Variants in HNF4A observed in about 807,000 individuals in gnomAD.
The protein encoded by HNF4A is hepatocyte nuclear factor 4-alpha.
In HNF4A, 15 loss-of-function variants were observed where a neutral mutation model predicts 52.4. The observed-to-expected ratio is 0.29, with a 90% CI of 0.19 to 0.44. The LOEUF (loss-of-function observed/expected upper bound fraction) is 0.44. Among genes scored for constraint, HNF4A ranks in the 20% least tolerant of loss-of-function variants. HNF4A has a pLI of 1.00. For synonymous variants in HNF4A, 280 were observed against 264.4 expected (o/e 1.06, Z -0.57); for missense variants, 479 against 647.2 (o/e 0.74, Z 2.82).
chr20:44,365,195 A>T (rs1341049598), intron 1 of HNF4A, among the ~76,000 whole-genome samples: 1 of 151,978 alleles, frequency 6.6e-6, no homozygotes, highest in African/African-American at 2.4e-5. Context: ...TTTTTGAAAC[A>T]GGGTCTTGCT....
At chr20:44,391,997 A>G (rs1034812370) in intron 1 of HNF4A, 2 of 152,224 alleles carry the variant, frequency 1.3e-5, no homozygotes, top group African/African-American at 4.8e-5. Flanking sequence ...AAATAATAAT[A>G]ATAACACATA....
chr20:44,429,976 A>G lies in HNF4A; in HGVS notation c.*311A>G, dbSNP rs1379569289. 2 of 386,774 alleles carry G rather than the reference A, an allele frequency of 5.2e-6. No homozygotes were observed. Among genetic ancestry groups the G allele is most frequent in the Non-Finnish European group, 9.4e-6 (2 of 211,738 alleles). 24.0% of individuals were successfully genotyped at this position (386,774 alleles called of 1,614,324 possible). On this transcript the variant is annotated 3_prime_UTR_variant, in exon 10 of 10. Coordinates refer to ENST00000316099, the MANE Select transcript of HNF4A (RefSeq NM_000457.6). ...AACCCCCGACTTCATCCCAAAGGAC[A>G]GCCGCCTGGAGATGACTTGAGGCCT...
chr20:44,388,402 G>C (rs1465482437), intron 1 of HNF4A, among the ~76,000 whole-genome samples: 3 of 97,358 alleles, frequency 3.1e-5, no homozygotes, highest in African/African-American at 6.1e-5. Context: ...TTGGAACAAG[G>C]TGCTGGGAAC....
downstream of HNF4A, chr20:44,433,136 T>C (rs959271914): frequency 3.3e-5 from 5 of 152,132 alleles, no homozygotes; most frequent in Admixed American, 2.6e-4. Context: ...TGATTCCAAG[T>C]ACTTAGTATA....
chr20:44,404,239 C>T (rs1323436202), intron 1 of HNF4A, among the ~76,000 whole-genome samples: 5 of 152,154 alleles, frequency 3.3e-5, no homozygotes, highest in African/African-American at 9.7e-5. Context: ...ATCCCCATAA[C>T]GAACCTAGGG....
chr20:44,397,993 C>G (rs140550945), upstream of HNF4A, among the ~76,000 whole-genome samples: 223 of 152,266 alleles, frequency 1.5e-3, no homozygotes, highest in African/African-American at 4.9e-3. Context: ...TTCCACCTCC[C>G]GTTCTTTCTC....
chr20:44,360,456 GAT>G (rs2062904897), intron 1 of HNF4A, among the ~76,000 whole-genome samples: 1 of 152,128 alleles, frequency 6.6e-6, no homozygotes, highest in African/African-American at 2.4e-5. Flanking sequence ...TGGATGGAAA[GAT>G]ATGTAGGTGC....
chr20:44,402,628 C>T lies in HNF4A; in HGVS notation c.115+1141C>T, dbSNP rs368909707. The T allele has an allele frequency of 1.5e-5, 21 of 1,363,044 alleles. No homozygotes were observed. The African/African-American group carries it at 2.4e-4, about 15-fold the overall frequency. The allele number at this position is 1,363,044 out of a possible 1,614,324, so 84.4% of individuals were successfully genotyped here. A position where few individuals can be genotyped will look rare whatever the true frequency, so the allele number is the denominator to read the frequency against. On this transcript the variant is annotated intron_variant, in intron 1 of 9. Coordinates refer to ENST00000316099, the MANE Select transcript of HNF4A (RefSeq NM_000457.6). ...ACTGGAGCATATCTGGAGGGGTGGA[C>T]AGTTCTCCACAGGGAGGTAGGGGAA...
intron 7 of HNF4A, among the ~76,000 whole-genome samples, chr20:44,421,722 C>A (rs1024427979): frequency 2.0e-5 from 3 of 150,328 alleles, no homozygotes; most frequent in African/African-American, 7.3e-5. Flanking sequence ...CCATTGCACT[C>A]CAGCCTGGGC....
chr20:44,399,120 C>T (rs1182017999), upstream of HNF4A, among the ~76,000 whole-genome samples: 1 of 152,066 alleles, frequency 6.6e-6, no homozygotes, highest in Non-Finnish European at 1.5e-5. Context: ...GCACTGCCCC[C>T]AAGGCCGGTG....
At chr20:44,425,359 A>G (rs765807075) in intron 8 of HNF4A, among the ~76,000 whole-genome samples, 3 of 152,334 alleles carry the variant, frequency 2.0e-5, no homozygotes, top group East Asian at 1.9e-4. Flanking sequence ...ACTGTCTCCA[A>G]TCATGTGATG....
Position 44,407,382 on chromosome 20 carries a change from T to A in HNF4A, c.292T>A (p.Phe98Ile). 1 of 1,609,182 alleles carries A rather than the reference T, an allele frequency of 6.2e-7. No individual in the cohort carries two copies. The highest frequency in any genetic ancestry group is 8.5e-7 in the Non-Finnish European group (1 of 1,177,366). Residue 98 changes from phenylalanine (F) to isoleucine (I), a missense_variant and splice_region_variant, in exon 3 of 10, where the codon TTT (phenylalanine) becomes ATT (isoleucine). Phe to Ile is a conservative substitution (Grantham distance 21). Around this residue, in one of 3 missense-constraint regions of HNF4A, gnomAD observed 389 missense variants for 525.1 expected, o/e 0.74. Transcript: ENST00000316099. The stretch of plus-strand genomic sequence containing the variant: ...CCAACCATCCAAAGCCCTCCCCAGA[T>A]TTAGCCGGCAGTGCGTGGTGGACAA...
At chr20:44,425,503 G>A (rs940576028) in intron 8 of HNF4A, among the ~76,000 whole-genome samples, 2 of 152,162 alleles carry the variant, frequency 1.3e-5, no homozygotes, top group Non-Finnish European at 2.9e-5. Flanking sequence ...AAGAGTCAAG[G>A]ACAAAGTCTA....
At position 44,429,778 on chromosome 20, in the gene HNF4A, C is replaced by A; in HGVS notation, c.*113C>A. On this transcript the variant is annotated 3_prime_UTR_variant, in exon 10 of 10. Transcript: ENST00000316099. ...CGTGATGCCAGGACCAGTCCCAGAG[C>A]AGGAATGGGAAGGATGAAGGGCCCG... The A allele has an allele frequency of 8.8e-7, 1 of 1,142,016 alleles. No homozygotes were observed. Among genetic ancestry groups the A allele is most frequent in the East Asian group, 2.4e-5 (1 of 42,410 alleles). 70.7% of individuals were successfully genotyped at this position (1,142,016 alleles called of 1,614,324 possible).
At chr20:44,398,013 C>T (rs773679470), upstream of HNF4A, among the ~76,000 whole-genome samples, 28 of 152,296 alleles carry the variant, frequency 1.8e-4, 1 homozygote, top group Non-Finnish European at 3.4e-4. Flanking sequence ...CCTTATCTAA[C>T]ATGAAGAACA....
intron 2 of HNF4A, 92 bp downstream of exon 2, chr20:44,406,324 A>G (rs2063500091): frequency 3.4e-6 from 4 of 1,164,014 alleles, no homozygotes. Context: ...TAGGTCCCAG[A>G]GACAGCTGCC....
At chr20:44,367,527 G>C (rs983751953) in intron 1 of HNF4A, among the ~76,000 whole-genome samples, 1 of 150,156 alleles carries the variant, frequency 6.7e-6, no homozygotes, top group Admixed American at 6.7e-5. Flanking sequence ...TGTAGTCCCA[G>C]CTACTCAGGA....
chr20:44,419,883 T>G lies in HNF4A; in HGVS notation c.892+7T>G, dbSNP rs2146446015. On this transcript the variant is annotated splice_region_variant and intron_variant, in intron 7 of 9. Transcript: ENST00000316099. The stretch of plus-strand genomic sequence containing the variant: ...ATCATCTTCTTTGACCCAGGTACAG[T>G]GCACACCTCCTAAGCCATCCCTGAC... 6.2e-7 allele frequency: 1 copy of G among 1,613,978 alleles called. No individual in the cohort carries two copies. Among genetic ancestry groups the G allele is most frequent in the Non-Finnish European group, 8.5e-7 (1 of 1,179,844 alleles).
intron 5 of HNF4A, 73 bp from the exon 6 acceptor site, chr20:44,418,352 A>G (rs930293788): frequency 8.3e-7 from 1 of 1,201,478 alleles, no homozygotes; most frequent in African/African-American, 1.5e-5. Flanking sequence ...TGACTTGCCC[A>G]GCGTCACTGA....
Sources: allele counts gnomAD v4.1 joint callset (sites outside exome capture counted in the v4.1 genomes callset), GRCh38; gene constraint gnomAD v4.1.1; regional missense constraint gnomAD v4.1.1; transcripts MANE v1.5; gene names NCBI Gene and HGNC (gene_info 2026-07-23, HGNC 2026-07-21).